The following SLC26A3 variants were observed in gnomAD, a reference collection of about 807,000 sequenced individuals.
SLC26A3 encodes solute carrier family 26 member 3.
A neutral mutation model predicts 85.6 loss-of-function variants in SLC26A3; 64 were observed. The observed-to-expected ratio is 0.75, with a 90% CI of 0.61 to 0.92. The LOEUF (loss-of-function observed/expected upper bound fraction) is 0.92. Ranked by LOEUF, SLC26A3 falls within the 40% of genes least tolerant of loss-of-function variation. The probability of loss-of-function intolerance (pLI) is 0.00; values close to 1 mark genes in which losing one functional copy is unlikely to be tolerated. For missense variants in SLC26A3, 922 were observed against 927.3 expected, an observed-to-expected ratio of 0.99 and a Z score of 0.07; for synonymous variants, 349 against 336.0, an observed-to-expected ratio of 1.04 and a Z score of -0.42.
chr7:107,774,287 C>G, intron 16 of SLC26A3, 134 bp from the exon 17 acceptor site: 3 of 748,334 alleles, frequency 4.0e-6, no homozygotes, highest in Middle Eastern at 6.9e-4. Flanking sequence ...TGTGGTGGCT[C>G]ATGCCTGTCA....
At chr7:107,800,139 A>G (rs2115910326) in intron 1 of SLC26A3, among the ~76,000 whole-genome samples, 1 of 152,322 alleles carries the variant, frequency 6.6e-6, no homozygotes, top group Admixed American at 6.5e-5. Flanking sequence ...GTATCTCTGT[A>G]CACATGATTT....
chr7:107,791,936 T>C lies in SLC26A3; in HGVS notation c.276A>G (p.Leu92=). 6.3e-7 allele frequency: 1 copy of C among 1,579,746 alleles called. No homozygotes were observed. The highest frequency in any genetic ancestry group is 8.7e-7 in the Non-Finnish European group (1 of 1,148,864). Residue 92 remains leucine (L), a synonymous_variant, in exon 4 of 21, where the codon TTA becomes TTG. Transcript: ENST00000340010. ...STGIVAVLQG[L]AFALLVDIPP... is the part of the protein sequence containing the mutation. The stretch of plus-strand genomic sequence containing the variant: ...GAATGTCGACCAGCAGAGCAAATGC[T>C]AAACCTGTAAACACACAAGCAGCAG...
chr7:107,783,416 G>A (rs543893229), intron 8 of SLC26A3, 64 bp from the exon 9 acceptor site: 2 of 1,580,154 alleles, frequency 1.3e-6, no homozygotes, highest in African/African-American at 2.7e-5. Flanking sequence ...ATAACCATTG[G>A]GCAAATCAAT....
chr7:107,791,756 G>T, intron 4 of SLC26A3, 74 bp downstream of exon 4: 3 of 965,202 alleles, frequency 3.1e-6, no homozygotes, highest in South Asian at 2.6e-5. Context: ...ATTTGGAATT[G>T]ATAGAAGGTA....
intron 8 of SLC26A3, among the ~76,000 whole-genome samples, chr7:107,786,106 G>A (rs1359287702): frequency 1.3e-5 from 2 of 152,082 alleles, no homozygotes. Flanking sequence ...GAATCTGATC[G>A]GGAGAAAGGA....
Position 107,765,566 on chromosome 7 carries a change from A to G in SLC26A3, c.*289T>C, listed in dbSNP as rs1793898146. On this transcript the variant is annotated 3_prime_UTR_variant, in exon 21 of 21. Transcript: ENST00000340010. ...CGCCACTATACTGCTAAACCTATGC[A>G]TGAAGGTAGTGACTAGGATGGAAAT... 1.1e-5 allele frequency: 4 copies of G among 376,674 alleles called. No homozygotes were observed. The Admixed American group carries it at 1.7e-4, about 16-fold the overall frequency. The allele number at this position is 376,674 out of a possible 1,614,324, so 23.3% of individuals were successfully genotyped here. A position where few individuals can be genotyped will look rare whatever the true frequency, so the allele number is the denominator to read the frequency against.
Position 107,767,652 on chromosome 7 carries a change from A to C in SLC26A3, c.2206-8T>G, listed in dbSNP as rs538072208. 1.2e-6 allele frequency: 2 copies of C among 1,609,750 alleles called. No homozygotes were observed. Among genetic ancestry groups the C allele is most frequent in the East Asian group, 2.2e-5 (1 of 44,846 alleles). ...AATTTTTCCATCTTTTTCCTGAGAAAAAGAGAATGGAAATATGGATTAGGG... is the reference window on the plus strand; with the variant it reads ...AATTTTTCCATCTTTTTCCTGAGAACAAGAGAATGGAAATATGGATTAGGG... On this transcript the variant is annotated splice_polypyrimidine_tract_variant and splice_region_variant and intron_variant, in intron 19 of 20. Coordinates refer to ENST00000340010, the MANE Select transcript of SLC26A3 (RefSeq NM_000111.3).
intron 11 of SLC26A3, 76 bp from the exon 12 acceptor site, chr7:107,779,839 G>A: frequency 8.1e-7 from 1 of 1,237,048 alleles, no homozygotes; most frequent in Non-Finnish European, 1.2e-6. Context: ...GAAGGCTATA[G>A]ATAAGTGTGT....
At chr7:107,792,120 T>C (rs1396963778) in intron 3 of SLC26A3, among the ~76,000 whole-genome samples, 180 bp from the exon 4 acceptor site, 3 of 152,182 alleles carry the variant, frequency 2.0e-5, no homozygotes, top group African/African-American at 7.2e-5. Flanking sequence ...AAAGCATAGG[T>C]ATAAATCTTT....
At chr7:107,779,594 A>C in intron 12 of SLC26A3, 74 bp downstream of exon 12, 1 of 1,172,096 alleles carries the variant, frequency 8.5e-7, no homozygotes, top group Non-Finnish European at 1.3e-6. Flanking sequence ...TTACAATATA[A>C]ACATGCATTT....
intron 1 of SLC26A3, among the ~76,000 whole-genome samples, 173 bp downstream of exon 1, chr7:107,802,938 T>C (rs924372976): frequency 4.6e-5 from 7 of 152,182 alleles, no homozygotes; most frequent in Admixed American, 1.3e-4. Context: ...TCTACATTGC[T>C]AGCGCTCCAG....
chr7:107,768,124 C>G (rs1369377208), intron 18 of SLC26A3, among the ~76,000 whole-genome samples: 1 of 152,056 alleles, frequency 6.6e-6, no homozygotes, highest in Non-Finnish European at 1.5e-5. Flanking sequence ...ATTTAATGCC[C>G]TAATGTAAAA....
At chr7:107,770,006 CT>C (rs1793981009) in intron 18 of SLC26A3, among the ~76,000 whole-genome samples, 1 of 34,440 alleles carries the variant, frequency 2.9e-5, no homozygotes, top group Non-Finnish European at 4.9e-5. Flanking sequence ...TTTTCTCTTT[CT>C]TTCTTTCTTT....
chr7:107,781,871 T>C (rs898324396), intron 11 of SLC26A3, among the ~76,000 whole-genome samples: 14 of 152,202 alleles, frequency 9.2e-5, no homozygotes, highest in Non-Finnish European at 1.3e-4. Context: ...AGGAGTGTAA[T>C]ACAATGTAGA....
chr7:107,790,937 C>T lies in SLC26A3; in HGVS notation c.570+111G>A, dbSNP rs969625146. 5 of 1,187,794 alleles carry T rather than the reference C, an allele frequency of 4.2e-6. No individual in the cohort carries two copies. In the Admixed American group the frequency reaches 5.9e-5, roughly 14 times the overall value. 73.6% of individuals were successfully genotyped at this position (1,187,794 alleles called of 1,614,324 possible). A position where few individuals can be genotyped will look rare whatever the true frequency, so the allele number is the denominator to read the frequency against. On this transcript the variant is annotated intron_variant, in intron 5 of 20. Coordinates refer to ENST00000340010, the MANE Select transcript of SLC26A3 (RefSeq NM_000111.3). Reference sequence around the variant, plus strand: ...TTTCCTATGGGCCATGAGGGAGAGACAAACCAAAGGGAAGATGGGGAGGAG... The same window carrying T: ...TTTCCTATGGGCCATGAGGGAGAGATAAACCAAAGGGAAGATGGGGAGGAG...
Position 107,778,169 on chromosome 7 carries a change from A to C in SLC26A3, c.1514+6T>G. ...TGCCAGGATGCAGAGCACTTTGAGC[A>C]CTCACAATTGGGTCCTGAACACGAT... On this transcript the variant is annotated splice_donor_region_variant and intron_variant, in intron 13 of 20. Coordinates refer to ENST00000340010, the MANE Select transcript of SLC26A3 (RefSeq NM_000111.3). 1 of 1,598,754 alleles carries C rather than the reference A, an allele frequency of 6.3e-7. No individual in the cohort carries two copies. Among genetic ancestry groups the C allele is most frequent in the Non-Finnish European group, 8.6e-7 (1 of 1,166,276 alleles).
intron 14 of SLC26A3, 41 bp downstream of exon 14, chr7:107,776,596 T>C: frequency 6.2e-7 from 1 of 1,606,702 alleles, no homozygotes; most frequent in Non-Finnish European, 8.5e-7. Context: ...CCATAGTTAA[T>C]ATCATTTAGC....
At chr7:107,773,808 CCCAA>C in intron 17 of SLC26A3, 108 bp downstream of exon 17, 1 of 922,926 alleles carries the variant, frequency 1.1e-6, no homozygotes, top group Non-Finnish European at 1.7e-6. Flanking sequence ...ACCTCGGCCT[CCCAA>C]AGTGCTGGGA....
chr7:107,773,202 T>C (rs1317329657), intron 17 of SLC26A3, among the ~76,000 whole-genome samples: 1 of 152,210 alleles, frequency 6.6e-6, no homozygotes, highest in African/African-American at 2.4e-5. Context: ...TGAAATTTCA[T>C]CAGCTTATAA....
Sources: gnomAD v4.1 joint callset for allele counts (sites outside exome capture counted in the v4.1 genomes callset) on GRCh38, gnomAD v4.1.1 for gene constraint, MANE v1.5 for transcripts, NCBI Gene and HGNC (gene_info 2026-07-23, HGNC 2026-07-21) for gene names.